The following ARHGAP24 variants were observed in gnomAD, a reference collection of about 807,000 sequenced individuals.
ARHGAP24 encodes the protein Rho GTPase activating protein 24, also known as rho GTPase-activating protein 24.
ARHGAP24 carries 50 observed loss-of-function variants against 76.4 expected under a neutral mutation model. The observed-to-expected ratio is 0.65, with a 90% CI of 0.52 to 0.83. The LOEUF (loss-of-function observed/expected upper bound fraction) is 0.83, where lower values mean the gene tolerates loss of function less well. Among genes scored for constraint, ARHGAP24 ranks in the 40% least tolerant of loss-of-function variants. The pLI, the probability that ARHGAP24 is intolerant of heterozygous loss-of-function variation, is 0.00. For synonymous variants in ARHGAP24, 345 were observed against 323.3 expected (o/e 1.07, Z -0.72); for missense variants, 930 against 914.2 (o/e 1.02, Z -0.22).
chr4:85,710,108 C>A (rs1248289206), intron 2 of ARHGAP24, among the ~76,000 whole-genome samples: 1 of 152,130 alleles, frequency 6.6e-6, no homozygotes, highest in East Asian at 1.9e-4. Flanking sequence ...TGCTATCCAA[C>A]TTCAAATTAT....
intron 1 of ARHGAP24, among the ~76,000 whole-genome samples, chr4:85,476,960 A>G (rs186355118): frequency 2.9e-4 from 44 of 152,364 alleles, no homozygotes; most frequent in Admixed American, 2.4e-3. Context: ...TAGCAAGTCC[A>G]GAAATCTGTT....
chr4:85,569,490 C>G (rs1370724765), intron 1 of ARHGAP24, among the ~76,000 whole-genome samples: 1 of 152,150 alleles, frequency 6.6e-6, no homozygotes, highest in Non-Finnish European at 1.5e-5. Flanking sequence ...TAGCATCTCA[C>G]CTGTTGGTTA....
chr4:85,605,625 AT>A (rs1350948474), intron 2 of ARHGAP24, among the ~76,000 whole-genome samples: 1 of 152,224 alleles, frequency 6.6e-6, no homozygotes, highest in African/African-American at 2.4e-5. Flanking sequence ...TCATTGTTAA[AT>A]TTTTAAAAAG....
In ARHGAP24 at chr4:85,963,700, C is replaced by G. The variant is rs559338443; in HGVS notation, c.600-8336C>G. ...TTATTCTAAAGTGAATTGATGCTCT[C>G]AAACATATTAATTCAAACTAAATGA... On this transcript the variant is annotated intron_variant, in intron 5 of 9. Coordinates refer to ENST00000395184, the MANE Select transcript of ARHGAP24 (RefSeq NM_001025616.3). Among the ~76,000 whole-genome samples, 99 of 152,160 alleles carry G rather than the reference C, an allele frequency of 6.5e-4. 1 individual carries two copies. Among genetic ancestry groups the G allele is most frequent in the African/African-American group, 2.3e-3 (96 of 41,544 alleles).
intron 1 of ARHGAP24, among the ~76,000 whole-genome samples, chr4:85,511,441 T>G (rs915902005): frequency 1.1e-4 from 16 of 151,520 alleles, no homozygotes; most frequent in Admixed American, 7.9e-4. Context: ...GTCTTTATTT[T>G]ATTTTATTTT....
intron 5 of ARHGAP24, among the ~76,000 whole-genome samples, chr4:85,948,486 T>G (rs769290755): frequency 6.6e-6 from 1 of 152,172 alleles, no homozygotes; most frequent in Non-Finnish European, 1.5e-5. Flanking sequence ...TTTTTGCTAA[T>G]GTAGGGGAAT....
chr4:85,555,839 A>G (rs1356726174), intron 1 of ARHGAP24, among the ~76,000 whole-genome samples: 1 of 150,546 alleles, frequency 6.6e-6, no homozygotes, highest in Non-Finnish European at 1.5e-5. Flanking sequence ...GGGGCCCTGC[A>G]TATTGATGAG....
chr4:85,553,394 C>T (rs1236162873), intron 1 of ARHGAP24, among the ~76,000 whole-genome samples: 4 of 152,032 alleles, frequency 2.6e-5, no homozygotes, highest in Non-Finnish European at 5.9e-5. Flanking sequence ...GCTGATTGGT[C>T]CATTTTACAT....
intron 1 of ARHGAP24, among the ~76,000 whole-genome samples, chr4:85,485,106 G>A (rs10005974): frequency 0.037 from 5,596 of 151,434 alleles, 334 homozygotes; most frequent in African/African-American, 0.12. Flanking sequence ...GCACTTTGTT[G>A]AGGCCAAGGC....
chr4:85,679,741 G>C (rs1156538923), intron 2 of ARHGAP24, among the ~76,000 whole-genome samples: 1 of 152,108 alleles, frequency 6.6e-6, no homozygotes, highest in Non-Finnish European at 1.5e-5. Context: ...TCGCCTTCCT[G>C]ACATGCTAAC....
intron 3 of ARHGAP24, among the ~76,000 whole-genome samples, chr4:85,793,872 A>G (rs1456498934): frequency 6.6e-6 from 1 of 152,218 alleles, no homozygotes; most frequent in Non-Finnish European, 1.5e-5. Context: ...AGAAAAGGAA[A>G]CAGCAAAATT....
At chr4:85,896,477 G>A (rs757403780) in intron 3 of ARHGAP24, among the ~76,000 whole-genome samples, 5 of 152,150 alleles carry the variant, frequency 3.3e-5, no homozygotes, top group African/African-American at 4.8e-5. Context: ...TTATAGTGTC[G>A]TAGAATTTCT....
At chr4:85,523,261 A>G (rs891162377) in intron 1 of ARHGAP24, among the ~76,000 whole-genome samples, 8 of 152,210 alleles carry the variant, frequency 5.3e-5, no homozygotes, top group Non-Finnish European at 1.2e-4. Context: ...AAAAGAATAA[A>G]TTGTCACTTA....
At chr4:85,720,156 C>A (rs1484762675) in intron 2 of ARHGAP24, among the ~76,000 whole-genome samples, 1 of 151,964 alleles carries the variant, frequency 6.6e-6, no homozygotes, top group Non-Finnish European at 1.5e-5. Context: ...GGAGATATAC[C>A]TAATGTAAAT....
At chr4:85,890,043 T>C (rs1733799690) in intron 3 of ARHGAP24, among the ~76,000 whole-genome samples, 1 of 152,162 alleles carries the variant, frequency 6.6e-6, no homozygotes, top group Non-Finnish European at 1.5e-5. Flanking sequence ...CTTCCCATCA[T>C]GCTGTCAGGG....
At chr4:85,604,067 C>T (rs1218266263) in intron 2 of ARHGAP24, 7 of 152,170 alleles carry the variant, frequency 4.6e-5, no homozygotes, top group African/African-American at 1.7e-4. Flanking sequence ...GTCTGTAGAA[C>T]AAGATGTTGC....
intron 2 of ARHGAP24, among the ~76,000 whole-genome samples, chr4:85,579,693 C>T (rs927038673): frequency 1.3e-5 from 2 of 152,048 alleles, no homozygotes; most frequent in Non-Finnish European, 1.5e-5. Context: ...AATCCAGATA[C>T]AAAAATTAGT....
intron 8 of ARHGAP24, among the ~76,000 whole-genome samples, chr4:85,986,724 A>G (rs1291558186): frequency 2.0e-5 from 3 of 152,176 alleles, no homozygotes; most frequent in Non-Finnish European, 4.4e-5. Context: ...ACACTACACA[A>G]GACTTGAGGG....
In ARHGAP24 at chr4:85,782,372, T is replaced by G. The variant is rs921563; in HGVS notation, c.268+60400T>G. ...AAATTCCTGAAATGTCAGTGTCATTTTGAATACACGCTTAGGAAGACTTCG... is the reference window on the plus strand; with the variant it reads ...AAATTCCTGAAATGTCAGTGTCATTGTGAATACACGCTTAGGAAGACTTCG... On this transcript the variant is annotated intron_variant, in intron 3 of 9. Transcript: ENST00000395184. Among the ~76,000 whole-genome samples the G allele has an allele frequency of 2.0e-5, 3 of 152,242 alleles. No individual in the cohort carries two copies. The South Asian group carries it at 6.2e-4, about 31-fold the overall frequency.
Sources: allele counts gnomAD v4.1 joint callset (sites outside exome capture counted in the v4.1 genomes callset), GRCh38; gene constraint gnomAD v4.1.1; transcripts MANE v1.5; gene names NCBI Gene and HGNC (gene_info 2026-07-23, HGNC 2026-07-21).